Variants in ABHD2 observed in about 807,000 individuals in gnomAD.
The protein encoded by ABHD2 is monoacylglycerol lipase ABHD2.
In ABHD2, 20 loss-of-function variants were observed where a neutral mutation model predicts 48.1. The observed-to-expected ratio is 0.42, with a 90% CI of 0.29 to 0.60. The LOEUF is 0.60. ABHD2 is among the 20% of genes least tolerant of loss of function. The pLI, the probability that ABHD2 is intolerant of heterozygous loss-of-function variation, is 0.24. For synonymous variants in ABHD2, 209 were observed against 214.2 expected, an observed-to-expected ratio of 0.98 and a Z score of 0.21; for missense variants, 405 against 550.9, an observed-to-expected ratio of 0.74 and a Z score of 2.65.
the ABHD2 span, among the ~76,000 whole-genome samples, chr15:89,046,531 C>A: frequency 6.9e-6 from 1 of 145,894 alleles, no homozygotes; most frequent in East Asian, 2.1e-4. Context: ...TGGTCCTGGA[C>A]TCTTTTTGGT....
Position 89,195,427 on chromosome 15 carries a change from C to G in ABHD2, c.*4C>G. The G allele has an allele frequency of 1.9e-6, 3 of 1,611,884 alleles. No individual in the cohort carries two copies. Among genetic ancestry groups the G allele is most frequent in the Non-Finnish European group, 2.5e-6 (3 of 1,179,232 alleles). On this transcript the variant is annotated 3_prime_UTR_variant, in exon 11 of 11. Transcript: ENST00000352732. The surrounding 1 kb of genome is among the most constrained non-coding windows in gnomAD (Gnocchi z 5.1). Reference sequence around the variant, plus strand: ...GGTGGAGGCCGACCTGGAGTGAGGCCTCCGGACTCTGGCACGCTCCAGCAG... The same window carrying G: ...GGTGGAGGCCGACCTGGAGTGAGGCGTCCGGACTCTGGCACGCTCCAGCAG...
intron 3 of ABHD2, among the ~76,000 whole-genome samples, chr15:89,127,305 G>C (rs571250324): frequency 6.6e-6 from 1 of 152,284 alleles, no homozygotes; most frequent in South Asian, 2.1e-4. Context: ...TAACTTCTGA[G>C]GTAGCCATTA....
chr15:89,172,501 A>G (rs2050946420), intron 5 of ABHD2, among the ~76,000 whole-genome samples: 1 of 152,216 alleles, frequency 6.6e-6, no homozygotes, highest in Admixed American at 6.5e-5. Flanking sequence ...CATGTACCAC[A>G]TTGCTCTTAT....
chr15:89,182,627 T>TA lies in ABHD2; in HGVS notation c.723-2790dup, dbSNP rs961436620. Among the ~76,000 whole-genome samples, 15 of 152,086 alleles carry TA rather than the reference T, an allele frequency of 9.9e-5. No homozygotes were observed. The Middle Eastern group carries it at 0.014, about 138-fold the overall frequency. On this transcript the variant is annotated intron_variant, in intron 6 of 10. Coordinates refer to ENST00000352732, the MANE Select transcript of ABHD2 (RefSeq NM_152924.5). The surrounding 1 kb of genome is among the most constrained non-coding windows in gnomAD (Gnocchi z 4.8). ...AACATGACGAAACCCCGTATTCTAC[T>TA]AAAAAAATACAAAAAATTATCTGGG...
Position 89,188,377 on chromosome 15 carries a change from C to A in ABHD2, c.926+74C>A. 7.4e-7 allele frequency: 1 copy of A among 1,343,466 alleles called. No individual in the cohort carries two copies. The highest frequency in any genetic ancestry group is 1.1e-6 in the Non-Finnish European group (1 of 942,562). The allele number at this position is 1,343,466 out of a possible 1,614,324, so 83.2% of individuals were successfully genotyped here. On this transcript the variant is annotated intron_variant, in intron 8 of 10. Coordinates refer to ENST00000352732, the MANE Select transcript of ABHD2 (RefSeq NM_152924.5). The surrounding 1 kb of genome is among the most constrained non-coding windows in gnomAD (Gnocchi z 4.1). ...CAGGAGGCTGCAGGTCAGCTGTGCC[C>A]AGCACTAGTGTTTGCTCTGCCTACT...
intron 3 of ABHD2, among the ~76,000 whole-genome samples, chr15:89,118,145 T>C (rs1359586176): frequency 6.6e-6 from 1 of 152,120 alleles, no homozygotes; most frequent in Non-Finnish European, 1.5e-5. Flanking sequence ...TTGAAAATCA[T>C]CCAGTATTTG....
intron 3 of ABHD2, among the ~76,000 whole-genome samples, chr15:89,147,814 G>T (rs2050520064): frequency 6.6e-6 from 1 of 151,194 alleles, no homozygotes; most frequent in African/African-American, 2.4e-5. Flanking sequence ...AACCATAAAA[G>T]ATTAAAAACT....
At chr15:89,183,217 A>C (rs768134163) in intron 6 of ABHD2, 15 of 149,750 alleles carry the variant, frequency 1.0e-4, no homozygotes, top group Admixed American at 7.3e-4. Context: ...TTGTTTGTTT[A>C]TTTTGCCAGT....
At position 89,116,542 on chromosome 15, in the gene ABHD2, C is replaced by A. The variant is rs540218878; in HGVS notation, c.194+21C>A. The A allele has an allele frequency of 6.9e-6, 11 of 1,601,224 alleles. No homozygotes were observed. The African/African-American group carries it at 1.5e-4, about 21-fold the overall frequency. On this transcript the variant is annotated intron_variant, in intron 3 of 10. Transcript: ENST00000352732. This position sits in a 1 kb window ranked among gnomAD's most constrained non-coding sequence, Gnocchi z 4.6. ...AAAGAGTGAGTAGACCTCATGCCCT[C>A]TGTATGCTCAGCTGCTGATGTATTT... is the stretch of plus-strand genomic sequence containing the variant.
At chr15:89,157,714 G>T (rs900373915) in intron 5 of ABHD2, among the ~76,000 whole-genome samples, 4 of 152,018 alleles carry the variant, frequency 2.6e-5, no homozygotes, top group Admixed American at 6.6e-5. Flanking sequence ...GTGGTGGCGG[G>T]CACCTGTAGT....
chr15:89,108,018 G>T (rs2049814167), intron 1 of ABHD2, among the ~76,000 whole-genome samples: 1 of 152,160 alleles, frequency 6.6e-6, no homozygotes, highest in South Asian at 2.1e-4. Context: ...TTTGTATTAT[G>T]TTAAGAAGTC....
rs1292114663 is a variant in ABHD2, at chr15:89,185,898, C to A, written c.815+382C>A. Among the ~76,000 whole-genome samples the A allele has an allele frequency of 6.6e-6, 1 of 152,114 alleles. No individual in the cohort carries two copies. The highest frequency in any genetic ancestry group is 1.5e-5 in the Non-Finnish European group (1 of 68,026). ...AGGAGAGTCGCTTGAACCCAGGAGG[C>A]GGAGGCTGCAGCGAGCCAAGATTGC... On this transcript the variant is annotated intron_variant, in intron 7 of 10. Transcript: ENST00000352732. The surrounding 1 kb of genome is among the most constrained non-coding windows in gnomAD (Gnocchi z 5.9).
chr15:89,087,437 T>C (rs1901398920), upstream of ABHD2: 1 of 152,234 alleles, frequency 6.6e-6, no homozygotes, highest in East Asian at 1.9e-4. The surrounding 1 kb of genome is among the most constrained non-coding windows in gnomAD (Gnocchi z 5.5). Context: ...GTTCTATTCT[T>C]GGTACACGAC....
chr15:89,080,915 C>T, the ABHD2 span, among the ~76,000 whole-genome samples: 2 of 151,838 alleles, frequency 1.3e-5, no homozygotes, highest in Admixed American at 6.6e-5. Flanking sequence ...TATTTGTCCT[C>T]TTGTGATTGG....
chr15:89,188,357 G>A lies in ABHD2; in HGVS notation c.926+54G>A. ...CTCTGGGGCAGGGTGCCAGGCAGGA[G>A]GCTGCAGGTCAGCTGTGCCCAGCAC... is the stretch of plus-strand genomic sequence containing the variant. On this transcript the variant is annotated intron_variant, in intron 8 of 10. Coordinates refer to ENST00000352732, the MANE Select transcript of ABHD2 (RefSeq NM_152924.5). The surrounding 1 kb of genome is among the most constrained non-coding windows in gnomAD (Gnocchi z 4.1). 2.6e-6 allele frequency: 4 copies of A among 1,526,426 alleles called. No individual in the cohort carries two copies. The highest frequency in any genetic ancestry group is 2.7e-6 in the Non-Finnish European group (3 of 1,103,386). 94.6% of individuals were successfully genotyped at this position (1,526,426 alleles called of 1,614,324 possible).
chr15:89,145,561 A>G (rs1489187825), intron 3 of ABHD2, among the ~76,000 whole-genome samples: 5 of 152,180 alleles, frequency 3.3e-5, no homozygotes, highest in Admixed American at 3.3e-4. Flanking sequence ...TCTTGAATCA[A>G]AGACAAGCCC....
In ABHD2 at chr15:89,195,674, T is replaced by C. The variant is rs554037203; in HGVS notation, c.*251T>C. 1.4e-3 allele frequency: 593 copies of C among 425,658 alleles called. 4 individuals carry two copies. Among genetic ancestry groups the C allele is most frequent in the African/African-American group, 0.011 (527 of 49,332 alleles). The allele number at this position is 425,658 out of a possible 1,614,324, so 26.4% of individuals were successfully genotyped here. On this transcript the variant is annotated 3_prime_UTR_variant, in exon 11 of 11. Coordinates refer to ENST00000352732, the MANE Select transcript of ABHD2 (RefSeq NM_152924.5). This position sits in a 1 kb window ranked among gnomAD's most constrained non-coding sequence, Gnocchi z 5.1. ...GTGACAAGTGACAGAGTTCTTGCCC[T>C]CTGTCCAGTTTCAGCATCTGGTTGC...
chr15:89,076,595 C>T, the ABHD2 span, among the ~76,000 whole-genome samples: 1 of 151,996 alleles, frequency 6.6e-6, no homozygotes, highest in Non-Finnish European at 1.5e-5. Context: ...GTGATCTTCC[C>T]ACCTCAGCCT....
the ABHD2 span, among the ~76,000 whole-genome samples, chr15:89,051,875 C>T: frequency 4.6e-5 from 7 of 151,952 alleles, no homozygotes; most frequent in Non-Finnish European, 1.0e-4. Flanking sequence ...ATAGAGGTAC[C>T]ATGTCAATAT....
Sources: allele counts gnomAD v4.1 joint callset (sites outside exome capture counted in the v4.1 genomes callset), GRCh38; gene constraint gnomAD v4.1.1; non-coding constraint Gnocchi (gnomAD v3.1); transcripts MANE v1.5; gene names NCBI Gene and HGNC (gene_info 2026-07-23, HGNC 2026-07-21).